ZNF365: variants seen among roughly 807,000 people sequenced by gnomAD.
ZNF365 encodes protein ZNF365.
In ZNF365, 22 loss-of-function variants were observed where a neutral mutation model predicts 35.0. That is an observed-to-expected ratio of 0.63 (90% confidence interval 0.45 to 0.90). The LOEUF (loss-of-function observed/expected upper bound fraction) is 0.90. ZNF365 is among the 40% of genes least tolerant of loss of function. ZNF365 has a pLI of 0.00. For missense variants in ZNF365, 448 were observed against 500.3 expected (o/e 0.90, Z 1.00); for synonymous variants, 188 against 196.2 (o/e 0.96, Z 0.35).
intron 3 of ZNF365, among the ~76,000 whole-genome samples, chr10:62,430,311 G>A (rs1020825797): frequency 7.3e-6 from 1 of 137,338 alleles, no homozygotes; most frequent in African/African-American, 2.8e-5. Context: ...CTCCTGAGTA[G>A]CTGGGACTAC....
intron 3 of ZNF365, among the ~76,000 whole-genome samples, chr10:62,433,229 G>A (rs1048465864): frequency 6.6e-6 from 1 of 152,186 alleles, no homozygotes; most frequent in African/African-American, 2.4e-5. Flanking sequence ...AGTTTAATGA[G>A]TTTTGGAGGC....
intron 3 of ZNF365, among the ~76,000 whole-genome samples, chr10:62,422,310 T>A (rs979070974): frequency 1.3e-5 from 2 of 152,216 alleles, no homozygotes; most frequent in Non-Finnish European, 2.9e-5. Flanking sequence ...TAAGTCGCTA[T>A]GCCTTACACC....
chr10:62,459,064 G>C (rs1039679194), intron 3 of ZNF365, among the ~76,000 whole-genome samples: 2 of 152,212 alleles, frequency 1.3e-5, no homozygotes, highest in African/African-American at 4.8e-5. Context: ...ATTTGTTACT[G>C]TTAGTACTAT....
At chr10:62,473,015 T>C (rs190399610) in intron 4 of ZNF365, among the ~76,000 whole-genome samples, 78 of 152,334 alleles carry the variant, frequency 5.1e-4, no homozygotes, top group African/African-American at 1.7e-3. Flanking sequence ...CTTAGTTTCA[T>C]GATCATCTCC....
intron 4 of ZNF365, among the ~76,000 whole-genome samples, chr10:62,460,916 C>T (rs1840837146): frequency 6.6e-6 from 1 of 152,094 alleles, no homozygotes; most frequent in Admixed American, 6.5e-5. Context: ...GTGAAGCAAT[C>T]GGGAGTGTTG....
At chr10:62,465,939 C>T (rs1343852372) in intron 4 of ZNF365, among the ~76,000 whole-genome samples, 1 of 152,194 alleles carries the variant, frequency 6.6e-6, no homozygotes, top group Admixed American at 6.5e-5. Context: ...ACAGCCCTCC[C>T]ATGCTTCACT....
intron 3 of ZNF365, among the ~76,000 whole-genome samples, chr10:62,437,499 G>T (rs1054411574): frequency 1.3e-5 from 2 of 152,176 alleles, no homozygotes. Context: ...CTCAGGAAGG[G>T]ATTTCATAAG....
intron 4 of ZNF365, chr10:62,479,782 C>T: frequency 2.3e-6 from 2 of 860,992 alleles, no homozygotes; most frequent in Non-Finnish European, 2.0e-6. Context: ...TTGCCAGGAC[C>T]CATGGTTGAA....
At chr10:62,463,988 G>T (rs536825343) in intron 4 of ZNF365, among the ~76,000 whole-genome samples, 73 of 152,262 alleles carry the variant, frequency 4.8e-4, no homozygotes, top group African/African-American at 1.7e-3. Context: ...TCATCAAAAT[G>T]GAGCCAGGTG....
At chr10:62,404,483 C>G (rs577486946), downstream of ZNF365, among the ~76,000 whole-genome samples, 1 of 152,296 alleles carries the variant, frequency 6.6e-6, no homozygotes, top group African/African-American at 2.4e-5. Flanking sequence ...GCTACTATTT[C>G]CTTTGAGTAC....
intron 3 of ZNF365, among the ~76,000 whole-genome samples, chr10:62,419,522 C>T (rs1235486454): frequency 1.3e-5 from 2 of 149,836 alleles, no homozygotes; most frequent in Non-Finnish European, 3.0e-5. Context: ...ACGGGGTGGG[C>T]TTATACAAAG....
intron 2 of ZNF365, among the ~76,000 whole-genome samples, chr10:62,385,839 T>C (rs1033247267): frequency 1.3e-5 from 2 of 152,212 alleles, no homozygotes; most frequent in Admixed American, 6.5e-5. Flanking sequence ...CCTTAATATA[T>C]GTGAACCATT....
chr10:62,416,007 T>A (rs1840068471), intron 3 of ZNF365, among the ~76,000 whole-genome samples: 1 of 152,190 alleles, frequency 6.6e-6, no homozygotes, highest in South Asian at 2.1e-4. Flanking sequence ...GAAGGAGGCA[T>A]TGGTCAGCCA....
Position 62,479,860 on chromosome 10 carries a change from T to A in ZNF365, c.982-16T>A, listed in dbSNP as rs757159229. 27 of 1,588,112 alleles carry A rather than the reference T, an allele frequency of 1.7e-5. 2 individuals carry two copies. The South Asian group carries it at 2.9e-4, about 17-fold the overall frequency. On this transcript the variant is annotated splice_polypyrimidine_tract_variant and intron_variant, in intron 4 of 4. Coordinates refer to the ZNF365 transcript ENST00000395255. ...ACTGCAACTCTACTAACTTTCCTTT[T>A]GGCTTTTATGACTAGGAGTCTGCGA...
intron 4 of ZNF365, among the ~76,000 whole-genome samples, chr10:62,466,423 A>T (rs921666072): frequency 1.3e-5 from 2 of 150,034 alleles, no homozygotes; most frequent in Admixed American, 6.6e-5. Context: ...GCATTCACAC[A>T]CCCCCTGCCA....
exon 4 of ZNF365, chr10:62,459,795 G>C: frequency 6.2e-7 from 1 of 1,608,630 alleles, no homozygotes; most frequent in Non-Finnish European, 8.5e-7. Flanking sequence ...CCTGGAATTG[G>C]AGGTAAAGCC....
intron 1 of ZNF365, among the ~76,000 whole-genome samples, chr10:62,374,947 C>G (rs1310029678): frequency 6.6e-6 from 1 of 152,166 alleles, no homozygotes; most frequent in Non-Finnish European, 1.5e-5. Flanking sequence ...TTAAACATCC[C>G]GGTGTACCCA....
intron 4 of ZNF365, among the ~76,000 whole-genome samples, chr10:62,468,743 T>G (rs1448160119): frequency 6.6e-6 from 1 of 152,218 alleles, no homozygotes; most frequent in Non-Finnish European, 1.5e-5. Context: ...GTTTGTGCCC[T>G]AATTGAAGAG....
chr10:62,458,111 G>A (rs2132478704), intron 3 of ZNF365, among the ~76,000 whole-genome samples: 1 of 152,308 alleles, frequency 6.6e-6, no homozygotes, highest in East Asian at 1.9e-4. Flanking sequence ...GTCAAACGGT[G>A]CAACCATTCT....
Sources: allele counts gnomAD v4.1 joint callset (sites outside exome capture counted in the v4.1 genomes callset), GRCh38; gene constraint gnomAD v4.1.1; transcripts MANE v1.5; gene names NCBI Gene and HGNC (gene_info 2026-07-23, HGNC 2026-07-21).